HHIPL1: variants seen among roughly 807,000 people sequenced by gnomAD.
The protein encoded by HHIPL1 is HHIP-like protein 1.
In HHIPL1, 43 loss-of-function variants were observed where a neutral mutation model predicts 61.8. The observed-to-expected ratio is 0.70, with a 90% CI of 0.55 to 0.90. The LOEUF (loss-of-function observed/expected upper bound fraction) is 0.90, where lower values mean the gene tolerates loss of function less well. HHIPL1 is among the 40% of genes least tolerant of loss of function. The probability of loss-of-function intolerance (pLI) is 0.00; values close to 1 mark genes in which losing one functional copy is unlikely to be tolerated. For synonymous variants in HHIPL1, 482 were observed against 515.8 expected, an observed-to-expected ratio of 0.93 and a Z score of 0.89; for missense variants, 1,056 against 1,157.7, an observed-to-expected ratio of 0.91 and a Z score of 1.28.
chr14:99,606,007 G>T, the HHIPL1 span, among the ~76,000 whole-genome samples: 1 of 152,160 alleles, frequency 6.6e-6, no homozygotes, highest in Non-Finnish European at 1.5e-5. Flanking sequence ...AACATGACCT[G>T]GTTTACCTTT....
the HHIPL1 span, among the ~76,000 whole-genome samples, chr14:99,639,078 G>A: frequency 6.6e-6 from 1 of 152,218 alleles, no homozygotes; most frequent in Non-Finnish European, 1.5e-5. Context: ...TGCCTAGCAC[G>A]TGCCAGATGT....
At chr14:99,637,072 A>G in the HHIPL1 span, among the ~76,000 whole-genome samples, 213 of 100,546 alleles carry the variant, frequency 2.1e-3, 7 homozygotes, top group Admixed American at 3.2e-3. Context: ...AAAAGAAAGA[A>G]AGAGAGAGAA....
At position 99,660,234 on chromosome 14, in the gene HHIPL1, T is replaced by C. The variant is rs2056127294; in HGVS notation, c.1376-46T>C. 3 of 1,602,500 alleles carry C rather than the reference T, an allele frequency of 1.9e-6. No individual in the cohort carries two copies. The highest frequency in any genetic ancestry group is 2.6e-6 in the Non-Finnish European group (3 of 1,173,338). Reference sequence around the variant, plus strand: ...CCGGAATTCTCCTGGCTGATGAACCTTCCCGCCGCTGGCTCACCGAAGCTT... The same window carrying C: ...CCGGAATTCTCCTGGCTGATGAACCCTCCCGCCGCTGGCTCACCGAAGCTT... On this transcript the variant is annotated intron_variant, in intron 4 of 8. Coordinates refer to ENST00000330710, the MANE Select transcript of HHIPL1 (RefSeq NM_001127258.3). This position sits in a 1 kb window ranked among gnomAD's most constrained non-coding sequence, Gnocchi z 4.9.
chr14:99,659,680 C>A lies in HHIPL1; in HGVS notation c.1299C>A (p.Arg433=). 1.3e-6 allele frequency: 2 copies of A among 1,533,252 alleles called. No individual in the cohort carries two copies. The highest frequency in any genetic ancestry group is 8.7e-7 in the Non-Finnish European group (1 of 1,145,016). 95.0% of individuals were successfully genotyped at this position (1,533,252 alleles called of 1,614,324 possible). The change falls in exon 4 of 9, where the codon CGC becomes CGA. Residue 433 remains arginine, a synonymous_variant. Coordinates refer to ENST00000330710, the MANE Select transcript of HHIPL1 (RefSeq NM_001127258.3). ...NKFEEVDVVE[R]GGNYGWRARE... is the part of the protein sequence containing the mutation. ...TCGAGGAGGTGGACGTGGTGGAGCG[C>A]GGCGGCAACTATGGCTGGCGCGCGC...
intron 6 of HHIPL1, among the ~76,000 whole-genome samples, chr14:99,664,549 G>A (rs2056211002): frequency 6.6e-6 from 1 of 152,196 alleles, no homozygotes; most frequent in Admixed American, 6.5e-5. Context: ...GGACAGCTCT[G>A]GCAGTGGCCT....
At position 99,668,983 on chromosome 14, in the gene HHIPL1, C is replaced by A. The variant is rs2056294734; in HGVS notation, c.1730+680C>A. ...GCCCAGGGCCAGGGTGGGGCCCAGG[C>A]CACTGGCTCCAGAGCCCTGCCCTAA... On this transcript the variant is annotated intron_variant, in intron 7 of 8. Coordinates refer to ENST00000330710, the MANE Select transcript of HHIPL1 (RefSeq NM_001127258.3). The surrounding 1 kb of genome is among the most constrained non-coding windows in gnomAD (Gnocchi z 4.7). 42 of 1,565,814 alleles carry A rather than the reference C, an allele frequency of 2.7e-5. No individual in the cohort carries two copies. In the South Asian group the frequency reaches 4.7e-4, roughly 17 times the overall value.
At chr14:99,632,395 G>C in the HHIPL1 span, among the ~76,000 whole-genome samples, 1 of 152,166 alleles carries the variant, frequency 6.6e-6, no homozygotes, top group African/African-American at 2.4e-5. Context: ...CTGAAACCCT[G>C]TTTCTGTGGG....
upstream of HHIPL1, among the ~76,000 whole-genome samples, chr14:99,643,073 C>A (rs2055773941): frequency 2.6e-5 from 4 of 151,928 alleles, no homozygotes; most frequent in South Asian, 8.3e-4. Flanking sequence ...CAGAGTCTCG[C>A]TCTGTCACCC....
upstream of HHIPL1, among the ~76,000 whole-genome samples, chr14:99,642,874 T>C (rs1404405053): frequency 6.6e-6 from 1 of 152,112 alleles, no homozygotes; most frequent in East Asian, 1.9e-4. Context: ...TACCCATTTG[T>C]CCTTGCCAAT....
chr14:99,620,275 C>G, the HHIPL1 span, among the ~76,000 whole-genome samples: 1 of 152,342 alleles, frequency 6.6e-6, no homozygotes, highest in East Asian at 1.9e-4. Context: ...AGAAAGGAGG[C>G]CTTGAAATCC....
intron 1 of HHIPL1, among the ~76,000 whole-genome samples, chr14:99,647,968 T>TA (rs1384658324): frequency 2.0e-5 from 3 of 152,162 alleles, no homozygotes; most frequent in Non-Finnish European, 4.4e-5. Context: ...GTTGCCTCTC[T>TA]AAGCCACTAA....
At chr14:99,632,475 TCATCC>T in the HHIPL1 span, among the ~76,000 whole-genome samples, 2 of 151,498 alleles carry the variant, frequency 1.3e-5, no homozygotes, top group African/African-American at 4.9e-5. Flanking sequence ...CATCCAGTCC[TCATCC>T]CATCCCATCC....
Position 99,675,714 on chromosome 14 carries a change from G to T in HHIPL1, c.*88G>T. On this transcript the variant is annotated 3_prime_UTR_variant, in exon 9 of 9. Transcript: ENST00000330710. This position sits in a 1 kb window ranked among gnomAD's most constrained non-coding sequence, Gnocchi z 5.4. ...CTGTGTGCGCCCAGCGGGTGCACAC[G>T]TGTTCTAGAGTGAAGGGGGTGCGGG... 1 of 1,288,548 alleles carries T rather than the reference G, an allele frequency of 7.8e-7. No homozygotes were observed. Among genetic ancestry groups the T allele is most frequent in the Non-Finnish European group, 1.0e-6 (1 of 966,364 alleles). 79.8% of individuals were successfully genotyped at this position (1,288,548 alleles called of 1,614,324 possible).
At chr14:99,664,715 C>A (rs2056214170) in intron 6 of HHIPL1, among the ~76,000 whole-genome samples, 1 of 152,152 alleles carries the variant, frequency 6.6e-6, no homozygotes, top group South Asian at 2.1e-4. Flanking sequence ...CAGTCCACAC[C>A]ACAGAGACCA....
chr14:99,650,330 A>C (rs1260491404), intron 1 of HHIPL1, among the ~76,000 whole-genome samples: 1 of 152,162 alleles, frequency 6.6e-6, no homozygotes, highest in East Asian at 1.9e-4. Context: ...CCCACTGCAG[A>C]AGGAGCATCC....
rs1555377257 is a variant in HHIPL1, at chr14:99,656,787, AAAAG to A, written c.903-164_903-161del. 4.7e-3 allele frequency among the ~76,000 whole-genome samples: 96 copies of A among 20,430 alleles called. 1 individual carries two copies. The highest frequency in any genetic ancestry group is 0.01 in the African/African-American group (91 of 8,910). 13.4% of individuals were successfully genotyped at this position (20,430 alleles called of 152,430 possible). ...AACACTCTGTCTGCAAAAAGAAAAGAAAAGAAAGAAAGAAAGAAAGAAAGAAAGA... is the reference window on the plus strand; with the variant it reads ...AACACTCTGTCTGCAAAAAGAAAAGAAAAGAAAGAAAGAAAGAAAGAAAGA... On this transcript the variant is annotated intron_variant, in intron 2 of 8. Transcript: ENST00000330710.
At chr14:99,624,478 T>A in the HHIPL1 span, among the ~76,000 whole-genome samples, 1 of 152,046 alleles carries the variant, frequency 6.6e-6, no homozygotes, top group Non-Finnish European at 1.5e-5. Context: ...TCTTACCAAC[T>A]CCCATATGGT....
intron 1 of HHIPL1, 44 bp from the exon 2 acceptor site, chr14:99,652,180 A>G: frequency 6.5e-7 from 1 of 1,532,842 alleles, no homozygotes; most frequent in Non-Finnish European, 8.8e-7. Context: ...TTGGGCTGGT[A>G]AGCACCTCCA....
the HHIPL1 span, among the ~76,000 whole-genome samples, chr14:99,630,136 T>G: frequency 0.97 from 147,924 of 152,326 alleles, 71,979 homozygotes; most frequent in East Asian, 1. Flanking sequence ...GCCTCCACTG[T>G]GTGCCAGTCA....
Sources: gnomAD v4.1 joint callset for allele counts (sites outside exome capture counted in the v4.1 genomes callset) on GRCh38, gnomAD v4.1.1 for gene constraint, Gnocchi (gnomAD v3.1) non-coding constraint, MANE v1.5 for transcripts, NCBI Gene and HGNC (gene_info 2026-07-23, HGNC 2026-07-21) for gene names.